PTPRD: variants seen among roughly 807,000 people sequenced by gnomAD.
PTPRD encodes protein tyrosine phosphatase receptor type D.
Under a neutral mutation model 214.5 loss-of-function variants are expected in PTPRD, and 34 were observed. The observed-to-expected ratio is 0.16, with a 90% CI of 0.12 to 0.21. The LOEUF (loss-of-function observed/expected upper bound fraction) is 0.21, where lower values mean the gene tolerates loss of function less well. PTPRD is among the 10% of genes least tolerant of loss of function. PTPRD has a pLI of 1.00. For missense variants in PTPRD, 2,545 were observed against 2,398.7 expected (o/e 1.06, Z -1.27); for synonymous variants, 1,128 against 845.7 (o/e 1.33, Z -5.79).
intron 12 of PTPRD, among the ~76,000 whole-genome samples, chr9:8,642,989 C>T (rs1291192204): frequency 1.3e-5 from 2 of 152,086 alleles, no homozygotes; most frequent in Admixed American, 6.5e-5. Flanking sequence ...AGCAGAGGTT[C>T]TACATGAACC....
chr9:9,380,458 T>C (rs187361418), intron 9 of PTPRD, among the ~76,000 whole-genome samples: 1 of 152,256 alleles, frequency 6.6e-6, no homozygotes, highest in East Asian at 1.9e-4. Context: ...CAATGTGAAA[T>C]AAGCCCATCA....
intron 7 of PTPRD, among the ~76,000 whole-genome samples, chr9:9,729,087 C>A (rs1163137915): frequency 6.6e-6 from 1 of 151,902 alleles, no homozygotes; most frequent in Non-Finnish European, 1.5e-5. Flanking sequence ...TCAGAAATAC[C>A]CAAACATAAT....
chr9:10,457,025 C>A (rs114926579), intron 2 of PTPRD, among the ~76,000 whole-genome samples: 1,782 of 151,974 alleles, frequency 0.012, 34 homozygotes, highest in African/African-American at 0.039. Context: ...TTTCTTGAGA[C>A]TCTGTTAAAT....
At position 9,366,267 on chromosome 9, in the gene PTPRD, G is replaced by A. The variant is rs146320385; in HGVS notation, c.-203+31182C>T. Among the ~76,000 whole-genome samples, 553 of 151,508 alleles carry A rather than the reference G, an allele frequency of 3.6e-3. 3 individuals carry two copies. The highest frequency in any genetic ancestry group is 0.013 in the African/African-American group (539 of 41,430). ...CACCTGAGTGTTGTAATTTTTTTAA[G>A]CAGGGATTCTTTTTGGTGAGGATTT... On this transcript the variant is annotated intron_variant, in intron 9 of 45. Transcript: ENST00000381196.
chr9:8,934,493 A>ATATATT lies in PTPRD; in HGVS notation c.-104+84203_-104+84204insAATATA, dbSNP rs1491494905. Among the ~76,000 whole-genome samples the ATATATT allele has an allele frequency of 9.2e-4, 4 of 4,330 alleles. 1 individual carries two copies. The highest frequency in any genetic ancestry group is 9.0e-3 in the Admixed American group (2 of 222). 2.8% of individuals were successfully genotyped at this position (4,330 alleles called of 152,430 possible). ...TATATATATAAATATATATATATAT[A>ATATATT]AATATATATATAAATATATATATAT... On this transcript the variant is annotated intron_variant, in intron 11 of 45. Coordinates refer to ENST00000381196, the MANE Select transcript of PTPRD (RefSeq NM_002839.4).
At chr9:9,764,744 G>T (rs565190811) in intron 6 of PTPRD, among the ~76,000 whole-genome samples, 2 of 152,186 alleles carry the variant, frequency 1.3e-5, no homozygotes, top group East Asian at 3.9e-4. Context: ...AGCTTCTCCA[G>T]GATTCCACGG....
intron 10 of PTPRD, among the ~76,000 whole-genome samples, chr9:9,141,658 A>T (rs546861973): frequency 6.8e-4 from 103 of 151,312 alleles, no homozygotes; most frequent in African/African-American, 2.4e-3. Flanking sequence ...TTTCACACCA[A>T]CACCCATTAA....
chr9:9,763,478 C>T (rs1422933827), intron 6 of PTPRD, among the ~76,000 whole-genome samples: 1 of 151,976 alleles, frequency 6.6e-6, no homozygotes, highest in Non-Finnish European at 1.5e-5. Context: ...TTTAAAAAAT[C>T]TTCAAAATTA....
At chr9:9,771,295 T>C (rs1447541254) in intron 5 of PTPRD, among the ~76,000 whole-genome samples, 2 of 152,196 alleles carry the variant, frequency 1.3e-5, no homozygotes, top group Non-Finnish European at 2.9e-5. Flanking sequence ...TATCTGATAG[T>C]TAACACATTC....
At chr9:9,216,659 G>C (rs752112256) in intron 9 of PTPRD, among the ~76,000 whole-genome samples, 7 of 152,064 alleles carry the variant, frequency 4.6e-5, no homozygotes, top group Non-Finnish European at 1.0e-4. Flanking sequence ...TCTTCAGCTT[G>C]GGTCTAGAAA....
In PTPRD at chr9:8,521,258, C is replaced by A. The variant is rs780190898; in HGVS notation, c.961+19G>T. The A allele has an allele frequency of 6.3e-7, 1 of 1,598,664 alleles. No individual in the cohort carries two copies. Among genetic ancestry groups the A allele is most frequent in the Non-Finnish European group, 8.5e-7 (1 of 1,170,958 alleles). ...CTTGAGTGTACCCAGATCCTCAAAGCATAATCCATTGAGCATACCTTTGAC... is the reference window on the plus strand; with the variant it reads ...CTTGAGTGTACCCAGATCCTCAAAGAATAATCCATTGAGCATACCTTTGAC... On this transcript the variant is annotated intron_variant, in intron 20 of 45. Transcript: ENST00000381196.
Position 10,202,671 on chromosome 9 carries a change from G to GATATATATATATATATATATAT in PTPRD, c.-545+138270_-545+138291dup, listed in dbSNP as rs77962535. Among the ~76,000 whole-genome samples, 10 of 113,112 alleles carry GATATATATATATATATATATAT rather than the reference G, an allele frequency of 8.8e-5. 1 individual carries two copies. The highest frequency in any genetic ancestry group is 2.6e-4 in the Admixed American group (3 of 11,468). The allele number at this position is 113,112 out of a possible 152,430, so 74.2% of individuals were successfully genotyped here. A position where few individuals can be genotyped will look rare whatever the true frequency, so the allele number is the denominator to read the frequency against. ...GATGCCTACTTATAAAAATTATATG[G>GATATATATATATATATATATAT]ATATATATATATATATATATATATA... is the stretch of plus-strand genomic sequence containing the variant. On this transcript the variant is annotated intron_variant, in intron 3 of 45. Transcript: ENST00000381196.
intron 2 of PTPRD, among the ~76,000 whole-genome samples, chr9:10,455,736 T>C (rs2098909556): frequency 6.6e-6 from 1 of 151,772 alleles, no homozygotes; most frequent in South Asian, 2.1e-4. Context: ...GGTAAAACCT[T>C]TGTTCATTAA....
intron 3 of PTPRD, among the ~76,000 whole-genome samples, chr9:10,273,444 T>C (rs1265293812): frequency 6.6e-6 from 1 of 152,114 alleles, no homozygotes; most frequent in Admixed American, 6.6e-5. Flanking sequence ...AGATATGGTA[T>C]ATTAGAGTTA....
At chr9:9,541,717 T>C (rs2077618977) in intron 8 of PTPRD, among the ~76,000 whole-genome samples, 1 of 151,854 alleles carries the variant, frequency 6.6e-6, no homozygotes, top group African/African-American at 2.4e-5. Flanking sequence ...TGCTGATGGC[T>C]AGGACAGAAT....
intron 9 of PTPRD, among the ~76,000 whole-genome samples, chr9:9,262,196 T>C (rs978231597): frequency 4.0e-5 from 6 of 151,496 alleles, no homozygotes; most frequent in South Asian, 2.1e-4. Context: ...TAAAAATATT[T>C]CTTAGATCCA....
At chr9:8,607,422 A>G (rs902159088) in intron 14 of PTPRD, among the ~76,000 whole-genome samples, 1 of 152,190 alleles carries the variant, frequency 6.6e-6, no homozygotes, top group Non-Finnish European at 1.5e-5. Context: ...AGGTGGGTGG[A>G]TCACAAGGTC....
At chr9:10,042,767 C>A (rs2097320416) in intron 3 of PTPRD, among the ~76,000 whole-genome samples, 1 of 151,828 alleles carries the variant, frequency 6.6e-6, no homozygotes, top group African/African-American at 2.4e-5. Context: ...GTCCTTTTCC[C>A]CACCAGACCT....
At chr9:9,655,396 C>A (rs567738153) in intron 7 of PTPRD, among the ~76,000 whole-genome samples, 1 of 151,890 alleles carries the variant, frequency 6.6e-6, no homozygotes, top group African/African-American at 2.4e-5. Context: ...ATGGTGAAAC[C>A]CCGTCTGTAC....
Sources: allele counts gnomAD v4.1 joint callset (sites outside exome capture counted in the v4.1 genomes callset), GRCh38; gene constraint gnomAD v4.1.1; transcripts MANE v1.5; gene names NCBI Gene and HGNC (gene_info 2026-07-23, HGNC 2026-07-21).